Variants in NTN4 observed in about 807,000 individuals in gnomAD.
The protein encoded by NTN4 is netrin 4.
In NTN4, 32 loss-of-function variants were observed where a neutral mutation model predicts 73.6. The ratio of observed to expected loss-of-function variants is 0.44; its 90% CI spans 0.33 to 0.58. NTN4 has a LOEUF of 0.58. Ranked by LOEUF, NTN4 falls within the 20% of genes least tolerant of loss-of-function variation. The pLI is 0.04. For missense variants in NTN4, 654 were observed against 798.3 expected (o/e 0.82, Z 2.18); for synonymous variants, 258 against 287.5 (o/e 0.90, Z 1.04).
Position 95,787,236 on chromosome 12 carries a change from G to A in NTN4, c.288C>T (p.Asp96=). The change falls in exon 2 of 10, where the codon GAC becomes GAT. Residue 96 remains aspartate, a synonymous_variant. Coordinates refer to ENST00000343702, the MANE Select transcript of NTN4 (RefSeq NM_021229.4). ...HLAHLPSAMA[D]SSFRFPRTWW... is the part of the protein sequence containing the mutation. ...ATGTGCGAGGAAACCGGAAGGATGA[G>A]TCTGCCATGGCAGATGGCAGGTGAG... 2 of 1,614,224 alleles carry A rather than the reference G, an allele frequency of 1.2e-6. No homozygotes were observed. The highest frequency in any genetic ancestry group is 1.7e-6 in the Non-Finnish European group (2 of 1,180,042).
intron 3 of NTN4, among the ~76,000 whole-genome samples, chr12:95,727,259 G>A (rs1426390400): frequency 1.3e-5 from 2 of 152,102 alleles, no homozygotes; most frequent in African/African-American, 4.8e-5. Context: ...ATCTTTTACT[G>A]ATTATTAAAC....
At chr12:95,772,827 G>A (rs1003284515) in intron 2 of NTN4, among the ~76,000 whole-genome samples, 3 of 152,088 alleles carry the variant, frequency 2.0e-5, no homozygotes, top group Non-Finnish European at 2.9e-5. Flanking sequence ...GCACCATCAA[G>A]TCTAGTCTGA....
rs1004182018 is a variant in NTN4, at chr12:95,754,338, C to T, written c.586-16194G>A. Among the ~76,000 whole-genome samples the T allele has an allele frequency of 2.2e-3, 326 of 151,130 alleles. 4 individuals carry two copies. Among genetic ancestry groups the T allele is most frequent in the African/African-American group, 7.4e-3 (304 of 41,066 alleles). The stretch of plus-strand genomic sequence containing the variant: ...TTCCCACGCCGCCCCTAATCCCGCT[C>T]GAAGCAGCCCTGAGAAACATCGTCC... On this transcript the variant is annotated intron_variant, in intron 2 of 9. Transcript: ENST00000343702.
At chr12:95,760,281 T>C (rs752145526) in intron 2 of NTN4, among the ~76,000 whole-genome samples, 1 of 152,220 alleles carries the variant, frequency 6.6e-6, no homozygotes, top group African/African-American at 2.4e-5. Flanking sequence ...AGGTGAACTA[T>C]TCCCAGACTC....
At chr12:95,678,192 T>A (rs1281100846) in intron 7 of NTN4, among the ~76,000 whole-genome samples, 2 of 117,154 alleles carry the variant, frequency 1.7e-5, no homozygotes, top group African/African-American at 6.6e-5. Flanking sequence ...ATTAGGGGTG[T>A]GGGGGGCGAG....
In NTN4 at chr12:95,790,008, A is replaced by G. The variant is rs2079196275; in HGVS notation, c.55+247T>C. 2.4e-6 allele frequency: 1 copy of G among 414,536 alleles called. No individual in the cohort carries two copies. The highest frequency in any genetic ancestry group is 4.3e-6 in the Non-Finnish European group (1 of 233,218). The allele number at this position is 414,536 out of a possible 1,614,324, so 25.7% of individuals were successfully genotyped here. A position where few individuals can be genotyped will look rare whatever the true frequency, so the allele number is the denominator to read the frequency against. ...CCAAGAAAGAAACCCCGGTCGCAGTATCCCCGGCAGGGCGCACCCAGGATA... is the reference window on the plus strand; with the variant it reads ...CCAAGAAAGAAACCCCGGTCGCAGTGTCCCCGGCAGGGCGCACCCAGGATA... On this transcript the variant is annotated intron_variant, in intron 1 of 9. Transcript: ENST00000343702. This position sits in a 1 kb window ranked among gnomAD's most constrained non-coding sequence, Gnocchi z 6.5.
At chr12:95,700,080 A>ATTTTTTTTTTTTGTTTTTTTTTTTTT (rs2078471999) in intron 5 of NTN4, among the ~76,000 whole-genome samples, 1 of 41,788 alleles carries the variant, frequency 2.4e-5, no homozygotes, top group Admixed American at 4.2e-4. Context: ...TAAAGTGAGG[A>ATTTTTTTTTTTTGTTTTTTTTTTTTT]TTTTTTTTTT....
intron 2 of NTN4, among the ~76,000 whole-genome samples, chr12:95,756,310 C>T (rs2078946779): frequency 6.6e-6 from 1 of 152,196 alleles, no homozygotes; most frequent in African/African-American, 2.4e-5. Context: ...TAACTGTACA[C>T]TGGTTAAAAG....
At chr12:95,714,385 T>C (rs1224218751) in intron 3 of NTN4, among the ~76,000 whole-genome samples, 1 of 151,942 alleles carries the variant, frequency 6.6e-6, no homozygotes, top group Non-Finnish European at 1.5e-5. Flanking sequence ...ATCTAAGAGG[T>C]TTTATATTTT....
At chr12:95,780,433 A>T (rs936599655) in intron 2 of NTN4, among the ~76,000 whole-genome samples, 1 of 152,160 alleles carries the variant, frequency 6.6e-6, no homozygotes, top group Admixed American at 6.5e-5. Context: ...GAATCTACAA[A>T]GAACTCAAAC....
intron 2 of NTN4, among the ~76,000 whole-genome samples, chr12:95,775,300 G>C (rs897213390): frequency 2.6e-5 from 4 of 152,174 alleles, no homozygotes; most frequent in African/African-American, 7.2e-5. Context: ...TGAGGTACCG[G>C]GTTCATCTCA....
chr12:95,767,829 T>A (rs764431455), intron 2 of NTN4, among the ~76,000 whole-genome samples: 5 of 152,160 alleles, frequency 3.3e-5, no homozygotes, highest in African/African-American at 1.2e-4. Context: ...GTGCTAGGCC[T>A]TTGCATACTG....
intron 7 of NTN4, among the ~76,000 whole-genome samples, chr12:95,674,724 A>G (rs570281506): frequency 2.6e-5 from 4 of 152,340 alleles, no homozygotes; most frequent in African/African-American, 9.6e-5. Context: ...TGCTTAGAAC[A>G]CTTGTTGAAA....
At chr12:95,755,474 C>A (rs1425475464) in intron 2 of NTN4, among the ~76,000 whole-genome samples, 4 of 152,176 alleles carry the variant, frequency 2.6e-5, no homozygotes, top group African/African-American at 7.2e-5. Flanking sequence ...AACATTTGTC[C>A]TTGACTGTGC....
At chr12:95,761,012 C>T (rs1198627130) in intron 2 of NTN4, among the ~76,000 whole-genome samples, 1 of 152,086 alleles carries the variant, frequency 6.6e-6, no homozygotes, top group Admixed American at 6.6e-5. Flanking sequence ...AGAATTGCTT[C>T]CTATATAGTT....
At chr12:95,788,694 A>G (rs771227027) in intron 1 of NTN4, among the ~76,000 whole-genome samples, 31 of 152,162 alleles carry the variant, frequency 2.0e-4, no homozygotes, top group Non-Finnish European at 4.1e-4. Context: ...AACCCCACGA[A>G]GCCTTGCAAC....
Position 95,659,216 on chromosome 12 carries a change from T to G in NTN4, c.1757A>C (p.Glu586Ala). 1 of 1,609,542 alleles carries G rather than the reference T, an allele frequency of 6.2e-7. No homozygotes were observed. Among genetic ancestry groups the G allele is most frequent in the African/African-American group, 1.3e-5 (1 of 74,656 alleles). ...ATCCTCATGTCCTGCTACAAGGTAT[T>G]CCAAACCTAAAAAAGAACAAAATTA... ...CTCPILNPGLEYLVAGHEDIR... is the reference protein window; with the variant it reads ...CTCPILNPGLAYLVAGHEDIR... The change falls in exon 10 of 10, where the codon GAA becomes GCA. Residue 586 changes from glutamate to alanine, a missense_variant. Transcript: ENST00000343702.
chr12:95,751,696 C>T (rs12303762), intron 2 of NTN4, among the ~76,000 whole-genome samples: 2,102 of 152,094 alleles, frequency 0.014, 49 homozygotes, highest in African/African-American at 0.048. Flanking sequence ...CCATCACGGA[C>T]GCCAAGCTTC....
intron 9 of NTN4, among the ~76,000 whole-genome samples, chr12:95,665,400 A>G (rs963175388): frequency 1.3e-5 from 2 of 152,214 alleles, no homozygotes; most frequent in Non-Finnish European, 2.9e-5. Context: ...AATAGTCGAA[A>G]TGAATTCAAT....
Sources: gnomAD v4.1 joint callset for allele counts (sites outside exome capture counted in the v4.1 genomes callset) on GRCh38, gnomAD v4.1.1 for gene constraint, Gnocchi (gnomAD v3.1) non-coding constraint, MANE v1.5 for transcripts, NCBI Gene and HGNC (gene_info 2026-07-23, HGNC 2026-07-21) for gene names.